The following LMNTD1 variants were observed in gnomAD, a reference collection of about 807,000 sequenced individuals.
LMNTD1 encodes the protein lamin tail domain containing 1.
In LMNTD1, 35 loss-of-function variants were observed where a neutral mutation model predicts 50.9. That is an observed-to-expected ratio of 0.69 (90% CI 0.53 to 0.91). The LOEUF is 0.91. Ranked by LOEUF, LMNTD1 falls within the 40% of genes least tolerant of loss-of-function variation. LMNTD1 has a pLI of 0.00. For synonymous variants in LMNTD1, 153 were observed against 161.9 expected, an observed-to-expected ratio of 0.94 and a Z score of 0.42; for missense variants, 470 against 475.5, an observed-to-expected ratio of 0.99 and a Z score of 0.11.
At position 25,644,841 on chromosome 12, in the gene LMNTD1, A is replaced by G. The variant is rs373382667; in HGVS notation, c.58+3653T>C. Among the ~76,000 whole-genome samples, 21 of 152,350 alleles carry G rather than the reference A, an allele frequency of 1.4e-4. No homozygotes were observed. In the East Asian group the frequency reaches 3.9e-3, roughly 28 times the overall value. On this transcript the variant is annotated intron_variant, in intron 1 of 7. Transcript: ENST00000445693. ...GACACATTTCTCCTGTTTCAAAAAC[A>G]GGGAAGGCAGAGACAATATGGGCAC...
At chr12:25,547,008 G>C (rs1591982264) in intron 3 of LMNTD1, among the ~76,000 whole-genome samples, 1 of 151,602 alleles carries the variant, frequency 6.6e-6, no homozygotes, top group East Asian at 1.9e-4. Flanking sequence ...GCAATGGTTA[G>C]TACTCTTGCC....
At chr12:25,599,589 C>T (rs1945918209) in intron 1 of LMNTD1, among the ~76,000 whole-genome samples, 1 of 151,914 alleles carries the variant, frequency 6.6e-6, no homozygotes, top group Admixed American at 6.6e-5. Context: ...AACTGCTAAA[C>T]AAATTCAATA....
chr12:25,511,211 A>T (rs10160988), intron 8 of LMNTD1, among the ~76,000 whole-genome samples: 29,079 of 152,042 alleles, frequency 0.19, 2,996 homozygotes, highest in African/African-American at 0.25. Context: ...TGGCTCAAAG[A>T]TACTTAAACA....
chr12:25,557,064 A>C (rs1944071968), upstream of LMNTD1, among the ~76,000 whole-genome samples: 1 of 152,208 alleles, frequency 6.6e-6, no homozygotes, highest in South Asian at 2.1e-4. Flanking sequence ...TCTAAGATTC[A>C]AAGAGTTTGG....
chr12:25,545,392 TA>T (rs1406772142), intron 4 of LMNTD1, among the ~76,000 whole-genome samples: 6 of 151,668 alleles, frequency 4.0e-5, no homozygotes, highest in Admixed American at 6.6e-5. Context: ...GCTTAATTAT[TA>T]TACGAGTGTT....
chr12:25,539,138 C>T (rs1942856313), intron 4 of LMNTD1, among the ~76,000 whole-genome samples: 2 of 147,020 alleles, frequency 1.4e-5, no homozygotes, highest in South Asian at 4.5e-4. Flanking sequence ...GACTTTAACA[C>T]CCCACTGTCA....
intron 9 of LMNTD1, among the ~76,000 whole-genome samples, chr12:25,481,975 T>C (rs1165931143): frequency 6.6e-6 from 1 of 151,712 alleles, no homozygotes; most frequent in Non-Finnish European, 1.5e-5. Flanking sequence ...AGCAATAATG[T>C]TTCTTTGAAA....
chr12:25,546,606 A>T, intron 3 of LMNTD1, 52 bp from the exon 4 acceptor site: 2 of 1,167,870 alleles, frequency 1.7e-6, no homozygotes, highest in Non-Finnish European at 2.3e-6. Context: ...AAATAAAATG[A>T]CATTAAAAGG....
intron 1 of LMNTD1, among the ~76,000 whole-genome samples, chr12:25,591,414 C>T (rs1358695351): frequency 6.6e-6 from 1 of 151,466 alleles, no homozygotes; most frequent in Non-Finnish European, 1.5e-5. Flanking sequence ...GGGTGAGGCT[C>T]CTCTGCCTTT....
intron 1 of LMNTD1, among the ~76,000 whole-genome samples, chr12:25,559,252 G>T (rs1394229243): frequency 1.3e-5 from 2 of 151,980 alleles, no homozygotes; most frequent in African/African-American, 4.8e-5. Context: ...GTGTCCGAGT[G>T]TTCTCATTGT....
intron 1 of LMNTD1, among the ~76,000 whole-genome samples, chr12:25,571,140 A>G (rs938675903): frequency 6.6e-6 from 1 of 152,156 alleles, no homozygotes; most frequent in African/African-American, 2.4e-5. Context: ...ACTAGTTCTG[A>G]GTAGACCAGT....
intron 8 of LMNTD1, among the ~76,000 whole-genome samples, chr12:25,512,062 A>G (rs1409493248): frequency 6.6e-6 from 1 of 152,130 alleles, no homozygotes; most frequent in Admixed American, 6.5e-5. Context: ...TTCCCTCTCT[A>G]TTGGTTATGA....
At chr12:25,619,229 T>A (rs1946410356) in intron 1 of LMNTD1, among the ~76,000 whole-genome samples, 1 of 30,076 alleles carries the variant, frequency 3.3e-5, no homozygotes, top group Non-Finnish European at 6.4e-5. Flanking sequence ...TCTCTCTCTC[T>A]CTCTCTCTCT....
intron 1 of LMNTD1, among the ~76,000 whole-genome samples, chr12:25,580,100 C>T (rs1945215646): frequency 6.6e-6 from 1 of 152,180 alleles, no homozygotes; most frequent in Admixed American, 6.5e-5. Context: ...TTCCCTATGC[C>T]ACCCAGGCTT....
chr12:25,578,017 C>T (rs1195823548), intron 1 of LMNTD1, among the ~76,000 whole-genome samples: 7 of 152,178 alleles, frequency 4.6e-5, no homozygotes. Flanking sequence ...GGACAGGCTT[C>T]TTCCCTTGTT....
chr12:25,520,139 GATATACAT>G (rs373949438), intron 6 of LMNTD1, 64 bp from the exon 7 acceptor site: 7,308 of 151,798 alleles, frequency 0.048, 878 homozygotes, highest in East Asian at 0.066. Flanking sequence ...GCTGTTATGA[GATATACAT>G]ATATATATAT....
intron 1 of LMNTD1, among the ~76,000 whole-genome samples, chr12:25,648,061 T>G (rs1399951898): frequency 1.3e-5 from 2 of 152,156 alleles, no homozygotes; most frequent in African/African-American, 2.4e-5. Flanking sequence ...AAATGTAAAG[T>G]TTTTCATCAT....
intron 1 of LMNTD1, among the ~76,000 whole-genome samples, chr12:25,641,693 T>C (rs1182085575): frequency 6.6e-6 from 1 of 152,172 alleles, no homozygotes; most frequent in East Asian, 1.9e-4. Flanking sequence ...GTATATTTCA[T>C]ATGTCACATC....
chr12:25,551,082 A>G (rs1345978218), intron 2 of LMNTD1, among the ~76,000 whole-genome samples: 3 of 152,222 alleles, frequency 2.0e-5, no homozygotes, highest in African/African-American at 7.2e-5. Flanking sequence ...TGTGTTCAAC[A>G]TGAGACAGGA....
Sources: allele counts gnomAD v4.1 joint callset (sites outside exome capture counted in the v4.1 genomes callset), GRCh38; gene constraint gnomAD v4.1.1; transcripts MANE v1.5; gene names NCBI Gene and HGNC (gene_info 2026-07-23, HGNC 2026-07-21).